PDS5B: variants seen among roughly 807,000 people sequenced by gnomAD.
PDS5B encodes PDS5 cohesin associated factor B, also known as sister chromatid cohesion protein PDS5 homolog B.
A neutral mutation model predicts 184.1 loss-of-function variants in PDS5B; 51 were observed. The ratio of observed to expected loss-of-function variants is 0.28; its 90% CI spans 0.22 to 0.35. PDS5B has a LOEUF of 0.35. Among genes scored for constraint, PDS5B ranks in the 10% least tolerant of loss-of-function variants. PDS5B has a pLI of 1.00. For synonymous variants in PDS5B, 566 were observed against 569.2 expected (o/e 0.99, Z 0.08); for missense variants, 1,180 against 1,723.3 (o/e 0.68, Z 5.58).
At position 32,775,290 on chromosome 13, in the gene PDS5B, T is replaced by C. The variant is rs1025890974; in HGVS notation, c.*238T>C. ...GTAATGTGCGATGGCTATGTAGACA[T>C]AAAGAAGAAACTTGTAAATATCTTT... On this transcript the variant is annotated 3_prime_UTR_variant, in exon 35 of 35. Transcript: ENST00000315596. The C allele has an allele frequency of 3.9e-6, 2 of 516,912 alleles. No homozygotes were observed. The highest frequency in any genetic ancestry group is 3.9e-5 in the African/African-American group (2 of 51,810). The allele number at this position is 516,912 out of a possible 1,614,324, so 32.0% of individuals were successfully genotyped here.
At position 32,659,160 on chromosome 13, in the gene PDS5B, C is replaced by A; in HGVS notation, c.504C>A (p.Gly168=). Residue 168 remains glycine, a synonymous_variant, in exon 6 of 35, where the codon GGC becomes GGA. Coordinates refer to ENST00000315596, the MANE Select transcript of PDS5B (RefSeq NM_015032.4). ...YRTLFSVINN[G]HNQKVHMHMV... ...AATCTGTTTTGAATTGCAGCAATGGCCACAATCAGAAAGTCCATATGCACA... is the reference window on the plus strand; with the variant it reads ...AATCTGTTTTGAATTGCAGCAATGGACACAATCAGAAAGTCCATATGCACA... The A allele has an allele frequency of 6.5e-7, 1 of 1,548,896 alleles. No homozygotes were observed. Among genetic ancestry groups the A allele is most frequent in the Non-Finnish European group, 8.8e-7 (1 of 1,138,918 alleles).
rs71071057 is a variant in PDS5B, at chr13:32,656,273, C to CTTTTTTTT, written c.313-1954_313-1947dup. Among the ~76,000 whole-genome samples the CTTTTTTTT allele has an allele frequency of 8.5e-3, 820 of 96,532 alleles. 1 individual carries two copies. Among genetic ancestry groups the CTTTTTTTT allele is most frequent in the Middle Eastern group, 0.027 (3 of 110 alleles). 63.3% of individuals were successfully genotyped at this position (96,532 alleles called of 152,430 possible). The stretch of plus-strand genomic sequence containing the variant: ...TTGGGTAATGTGATGTCTCCAGCTT[C>CTTTTTTTT]TTTTTTTTTTTTTTTTTTTGCTTAG... On this transcript the variant is annotated intron_variant, in intron 3 of 34. Transcript: ENST00000315596.
intron 28 of PDS5B, among the ~76,000 whole-genome samples, chr13:32,758,928 A>G (rs541041180): frequency 2.0e-5 from 3 of 152,076 alleles, no homozygotes; most frequent in Non-Finnish European, 4.4e-5. Context: ...CATTGTTCAA[A>G]ATGGGAAGGA....
intron 6 of PDS5B, among the ~76,000 whole-genome samples, chr13:32,663,341 A>G (rs1950700774): frequency 6.6e-6 from 1 of 152,102 alleles, no homozygotes; most frequent in African/African-American, 2.4e-5. Flanking sequence ...AAAAAAAAAA[A>G]AGGCTAATTG....
chr13:32,642,534 G>A (rs1202711546), intron 1 of PDS5B, among the ~76,000 whole-genome samples: 1 of 152,146 alleles, frequency 6.6e-6, no homozygotes, highest in East Asian at 1.9e-4. Context: ...TAGTAGACAA[G>A]GGCCAGTATG....
intron 17 of PDS5B, among the ~76,000 whole-genome samples, chr13:32,704,615 A>T (rs1832259659): frequency 1.3e-5 from 2 of 152,226 alleles, no homozygotes; most frequent in Admixed American, 6.5e-5. Flanking sequence ...TTCCTTTATT[A>T]TAGCGTAAAT....
chr13:32,607,150 T>A (rs148068034), intron 1 of PDS5B, among the ~76,000 whole-genome samples: 3 of 152,212 alleles, frequency 2.0e-5, no homozygotes, highest in African/African-American at 7.2e-5. Flanking sequence ...AGTTTTAGAA[T>A]TTTTCAGCTT....
intron 1 of PDS5B, among the ~76,000 whole-genome samples, chr13:32,645,891 A>T (rs1950206696): frequency 1.3e-5 from 2 of 152,068 alleles, no homozygotes; most frequent in Non-Finnish European, 2.9e-5. Flanking sequence ...TTACTGTCAT[A>T]GATTAGGTTT....
intron 1 of PDS5B, among the ~76,000 whole-genome samples, chr13:32,608,676 C>CA (rs2058097887): frequency 6.6e-6 from 1 of 152,104 alleles, no homozygotes; most frequent in South Asian, 2.1e-4. Flanking sequence ...ATTGTTGTCT[C>CA]ACTGCTTCTG....
intron 34 of PDS5B, among the ~76,000 whole-genome samples, chr13:32,774,381 G>A (rs1190437976): frequency 6.6e-6 from 1 of 152,152 alleles, no homozygotes; most frequent in Non-Finnish European, 1.5e-5. Context: ...AGTTTGGCTT[G>A]TTTCTTAAAG....
Position 32,775,365 on chromosome 13 carries a change from T to A in PDS5B, c.*313T>A. On this transcript the variant is annotated 3_prime_UTR_variant, in exon 35 of 35. Transcript: ENST00000315596. ...TTCTGAAGTGCTTGTATAGCTTTTA[T>A]CTGCGGCTTTAAACTGACAGTACCC... 2.8e-6 allele frequency: 1 copy of A among 355,712 alleles called. No individual in the cohort carries two copies. The highest frequency in any genetic ancestry group is 5.2e-6 in the Non-Finnish European group (1 of 192,398). The allele number at this position is 355,712 out of a possible 1,614,324, so 22.0% of individuals were successfully genotyped here. A position where few individuals can be genotyped will look rare whatever the true frequency, so the allele number is the denominator to read the frequency against.
chr13:32,697,869 C>T (rs1050110629), intron 15 of PDS5B, among the ~76,000 whole-genome samples: 6 of 152,102 alleles, frequency 3.9e-5, no homozygotes, highest in Non-Finnish European at 8.8e-5. Flanking sequence ...TATTAACACA[C>T]CCAGCTAATT....
intron 20 of PDS5B, among the ~76,000 whole-genome samples, 194 bp from the exon 21 acceptor site, chr13:32,734,978 T>C (rs925428763): frequency 7.9e-5 from 12 of 152,230 alleles, no homozygotes; most frequent in Non-Finnish European, 1.5e-4. Flanking sequence ...TGGACATAGA[T>C]AACCTATAGA....
intron 8 of PDS5B, among the ~76,000 whole-genome samples, chr13:32,675,525 A>G (rs1420243664): frequency 6.6e-6 from 1 of 152,220 alleles, no homozygotes; most frequent in African/African-American, 2.4e-5. Context: ...GGTAGGTTTT[A>G]TAAGAGTTCA....
chr13:32,595,142 A>G (rs761779449), intron 1 of PDS5B, among the ~76,000 whole-genome samples: 1 of 151,870 alleles, frequency 6.6e-6, no homozygotes, highest in Non-Finnish European at 1.5e-5. Flanking sequence ...TCCAACTTGT[A>G]CCTTGATTAA....
chr13:32,684,203 A>T (rs1951324614), intron 11 of PDS5B, among the ~76,000 whole-genome samples, 180 bp downstream of exon 11: 1 of 152,174 alleles, frequency 6.6e-6, no homozygotes, highest in Admixed American at 6.5e-5. Flanking sequence ...ATTAAATTGT[A>T]TCAGTTTTTC....
intron 1 of PDS5B, among the ~76,000 whole-genome samples, chr13:32,614,082 T>C (rs758702001): frequency 6.6e-6 from 1 of 152,188 alleles, no homozygotes; most frequent in Non-Finnish European, 1.5e-5. Flanking sequence ...TTCTGTTCCA[T>C]TGGTGTATAT....
At chr13:32,604,564 G>A (rs1473538223) in intron 1 of PDS5B, among the ~76,000 whole-genome samples, 2 of 152,182 alleles carry the variant, frequency 1.3e-5, no homozygotes, top group Non-Finnish European at 2.9e-5. Context: ...CCAGGCTTTG[G>A]TGTCAGGATG....
chr13:32,736,836 G>T (rs1209209254), intron 21 of PDS5B, among the ~76,000 whole-genome samples: 1 of 150,962 alleles, frequency 6.6e-6, no homozygotes, highest in Admixed American at 6.6e-5. Context: ...TTCAGTTTTT[G>T]TTTTTTTTCT....
Sources: gnomAD v4.1 joint callset for allele counts (sites outside exome capture counted in the v4.1 genomes callset) on GRCh38, gnomAD v4.1.1 for gene constraint, MANE v1.5 for transcripts, NCBI Gene and HGNC (gene_info 2026-07-23, HGNC 2026-07-21) for gene names.